The following ABCB11 variants were observed in gnomAD, a reference collection of about 807,000 sequenced individuals.
ABCB11 encodes the protein ATP binding cassette subfamily B member 11.
Under a neutral mutation model 148.0 loss-of-function variants are expected in ABCB11, and 95 were observed. The ratio of observed to expected loss-of-function variants is 0.64; its 90% confidence interval spans 0.54 to 0.76. ABCB11 has a LOEUF of 0.76. ABCB11 is among the 30% of genes least tolerant of loss of function. The probability of loss-of-function intolerance (pLI) is 0.00; values close to 1 mark genes in which losing one functional copy is unlikely to be tolerated. For missense variants in ABCB11, 1,523 were observed against 1,617.8 expected, an observed-to-expected ratio of 0.94 and a Z score of 1.01; for synonymous variants, 591 against 555.4, an observed-to-expected ratio of 1.06 and a Z score of -0.90.
rs960320901 is a variant in ABCB11 at position 168,945,035 on chromosome 2, A to C, written c.2344-74T>G. 4.3e-5 allele frequency: 46 copies of C among 1,073,542 alleles called. No individual in the cohort carries two copies. The East Asian group carries it at 1.1e-3, about 26-fold the overall frequency. 66.5% of individuals were successfully genotyped at this position (1,073,542 alleles called of 1,614,324 possible). On this transcript the variant is annotated intron_variant, in intron 19 of 27. Coordinates refer to ENST00000650372, the MANE Select transcript of ABCB11 (RefSeq NM_003742.4). ...TAAATCTATTTACATGTTTAAAATGAATTTTTCTTACCATGTCATTATATA... is the reference window on the plus strand; with the variant it reads ...TAAATCTATTTACATGTTTAAAATGCATTTTTCTTACCATGTCATTATATA...
At chr2:168,916,931 T>A (rs78446348), downstream of ABCB11, among the ~76,000 whole-genome samples, 1,075 of 152,300 alleles carry the variant, frequency 7.1e-3, 11 homozygotes, top group South Asian at 0.024. Flanking sequence ...ATGATGAAAC[T>A]GTTCTGATAT....
intron 11 of ABCB11, among the ~76,000 whole-genome samples, chr2:168,978,677 A>G (rs1179177642): frequency 6.6e-6 from 1 of 151,564 alleles, no homozygotes; most frequent in African/African-American, 2.4e-5. Flanking sequence ...TTTTAAAGAG[A>G]AAGAACAACA....
intron 21 of ABCB11, among the ~76,000 whole-genome samples, chr2:168,937,049 T>C (rs1261230789): frequency 6.6e-6 from 1 of 151,974 alleles, no homozygotes; most frequent in Non-Finnish European, 1.5e-5. Context: ...CCACTACACC[T>C]GCTAATTTTT....
chr2:168,993,581 A>G, intron 8 of ABCB11, 130 bp downstream of exon 8: 1 of 818,314 alleles, frequency 1.2e-6, no homozygotes, highest in Non-Finnish European at 1.9e-6. Context: ...GAGTAATCTA[A>G]CAAACTACAT....
chr2:168,940,549 C>T lies in ABCB11; in HGVS notation c.2610+4056G>A, dbSNP rs199913752. On this transcript the variant is annotated intron_variant, in intron 21 of 27. Transcript: ENST00000650372. ...GCTTTATGAGGTTTAAGGAAAAAAG[C>T]ATCTCCACAATGTAAAAGTGCAAGG... is the stretch of plus-strand genomic sequence containing the variant. 1.2e-4 allele frequency among the ~76,000 whole-genome samples: 18 copies of T among 152,170 alleles called. No individual in the cohort carries two copies. The East Asian group carries it at 2.9e-3, about 25-fold the overall frequency.
Position 168,969,356 on chromosome 2 carries a change from T to C in ABCB11, c.2005A>G (p.Ile669Val). Residue 669 changes from isoleucine to valine, a missense_variant, in exon 16 of 28, where the codon ATA becomes GTA. Coordinates refer to ENST00000650372, the MANE Select transcript of ABCB11 (RefSeq NM_003742.4). ...ATAGGGAAAAAGCACTTGCCCTTTA[T>C]GTCCTCTTCATTAAGAGCTTGATTT... ...QGNQALNEED[I>V]KDATEDDMLA... is the part of the protein sequence containing the mutation. 1 of 1,611,582 alleles carries C rather than the reference T, an allele frequency of 6.2e-7. No individual in the cohort carries two copies. The highest frequency in any genetic ancestry group is 8.5e-7 in the Non-Finnish European group (1 of 1,178,682).
chr2:168,993,133 G>C (rs1694595218), intron 8 of ABCB11, among the ~76,000 whole-genome samples: 1 of 152,126 alleles, frequency 6.6e-6, no homozygotes, highest in Non-Finnish European at 1.5e-5. Context: ...CTCTGAAAGA[G>C]GTTATCTGAA....
intron 11 of ABCB11, among the ~76,000 whole-genome samples, chr2:168,977,981 T>C (rs1276986072): frequency 6.6e-6 from 1 of 152,122 alleles, no homozygotes; most frequent in Non-Finnish European, 1.5e-5. Context: ...TTGAGGAGTA[T>C]AATGTAATCT....
At position 168,929,506 on chromosome 2, in the gene ABCB11, A is replaced by AG. The variant is rs567092760; in HGVS notation, c.3411+1158dup. 7.9e-5 allele frequency among the ~76,000 whole-genome samples: 12 copies of AG among 152,382 alleles called. No individual in the cohort carries two copies. The East Asian group carries it at 2.1e-3, about 27-fold the overall frequency. The stretch of plus-strand genomic sequence containing the variant: ...ACAATATTTACATAATCATTAAAAA[A>AG]GCTGTCAATTGATTTTCAACTTTTA... On this transcript the variant is annotated intron_variant, in intron 25 of 27. Transcript: ENST00000650372.
chr2:168,976,183 A>T (rs1413921261), intron 12 of ABCB11, among the ~76,000 whole-genome samples: 1 of 152,142 alleles, frequency 6.6e-6, no homozygotes, highest in Non-Finnish European at 1.5e-5. Flanking sequence ...TTCATACCCT[A>T]TACTCAGTGT....
chr2:168,973,617 A>G (rs1693690106), intron 13 of ABCB11, 98 bp downstream of exon 13: 1 of 1,425,166 alleles, frequency 7.0e-7, no homozygotes. Context: ...GCATGCCAGG[A>G]CAGTCTCAAT....
chr2:168,951,778 G>C (rs1238789951), intron 19 of ABCB11, among the ~76,000 whole-genome samples: 2 of 151,392 alleles, frequency 1.3e-5, no homozygotes, highest in Non-Finnish European at 3.0e-5. Context: ...AGGACTTCCA[G>C]TACTATGTTA....
At chr2:168,916,274 G>T (rs1431284405), downstream of ABCB11, among the ~76,000 whole-genome samples, 1 of 152,138 alleles carries the variant, frequency 6.6e-6, no homozygotes, top group Non-Finnish European at 1.5e-5. Context: ...GCTATCTCCA[G>T]CTCTCCTGTT....
intron 5 of ABCB11, among the ~76,000 whole-genome samples, chr2:169,008,994 T>C (rs1287001044): frequency 1.3e-5 from 2 of 152,148 alleles, no homozygotes; most frequent in African/African-American, 2.4e-5. Context: ...AAAAAACACA[T>C]GCTTAAGTTA....
At chr2:168,933,615 T>C (rs767396758) in intron 23 of ABCB11, among the ~76,000 whole-genome samples, 13 of 152,102 alleles carry the variant, frequency 8.5e-5, no homozygotes, top group Non-Finnish European at 1.6e-4. Context: ...GAATTGCAAA[T>C]CTGAACATCC....
At chr2:168,930,417 A>G (rs1288785078) in intron 25 of ABCB11, among the ~76,000 whole-genome samples, 1 of 152,200 alleles carries the variant, frequency 6.6e-6, no homozygotes, top group African/African-American at 2.4e-5. Flanking sequence ...CCAGCTTTGC[A>G]GTGTGCCCAG....
At position 168,953,711 on chromosome 2, in the gene ABCB11, C is replaced by CA. The variant is rs531063038; in HGVS notation, c.2343+4252dup. On this transcript the variant is annotated intron_variant, in intron 19 of 27. Transcript: ENST00000650372. ...TTTGTGAAAGGAAAATATGGGCCCC[C>CA]AAAATCACTAAGCTAAAGAGAAAAG... Among the ~76,000 whole-genome samples the CA allele has an allele frequency of 9.2e-5, 14 of 151,546 alleles. No individual in the cohort carries two copies. In the South Asian group the frequency reaches 2.9e-3, roughly 31 times the overall value.
At chr2:168,990,113 G>A (rs1456624361) in intron 9 of ABCB11, among the ~76,000 whole-genome samples, 1 of 152,034 alleles carries the variant, frequency 6.6e-6, no homozygotes, top group Non-Finnish European at 1.5e-5. Flanking sequence ...GGTAATATTG[G>A]CCTTGTAAAA....
chr2:169,001,869 C>T (rs549683262), intron 5 of ABCB11, among the ~76,000 whole-genome samples: 30 of 152,204 alleles, frequency 2.0e-4, no homozygotes, highest in African/African-American at 7.2e-4. Flanking sequence ...TATTACTTGG[C>T]TCCTGAGGGC....
Sources: allele counts gnomAD v4.1 joint callset (sites outside exome capture counted in the v4.1 genomes callset), GRCh38; gene constraint gnomAD v4.1.1; transcripts MANE v1.5; gene names NCBI Gene and HGNC (gene_info 2026-07-23, HGNC 2026-07-21).